GRID2: variants seen among roughly 807,000 people sequenced by gnomAD.
The protein encoded by GRID2 is glutamate receptor ionotropic, delta-2.
A neutral mutation model predicts 114.8 loss-of-function variants in GRID2; 33 were observed. That is an observed-to-expected ratio of 0.29 (90% CI 0.22 to 0.38). The LOEUF is 0.38. GRID2 is among the 10% of genes least tolerant of loss of function. The pLI is 1.00. For synonymous variants in GRID2, 505 were observed against 449.9 expected, an observed-to-expected ratio of 1.12 and a Z score of -1.55; for missense variants, 1,184 against 1,257.7, an observed-to-expected ratio of 0.94 and a Z score of 0.89.
intron 1 of GRID2, among the ~76,000 whole-genome samples, chr4:92,559,845 TTGCAAA>T (rs537473616): frequency 5.1e-4 from 78 of 152,192 alleles, no homozygotes; most frequent in Non-Finnish European, 9.1e-4. Context: ...TAACTCAGGA[TTGCAAA>T]GTGCTCATGA....
At chr4:92,446,251 C>T (rs1733465064) in intron 1 of GRID2, among the ~76,000 whole-genome samples, 1 of 152,062 alleles carries the variant, frequency 6.6e-6, no homozygotes, top group Non-Finnish European at 1.5e-5. Flanking sequence ...CTGGCTTTAT[C>T]CCATATTTGA....
At chr4:92,911,005 T>C (rs985127687) in intron 2 of GRID2, among the ~76,000 whole-genome samples, 2 of 152,072 alleles carry the variant, frequency 1.3e-5, no homozygotes, top group African/African-American at 4.8e-5. Context: ...TGATATAGTT[T>C]GAATAGAGTA....
At chr4:92,685,734 G>A (rs1733867276) in intron 2 of GRID2, among the ~76,000 whole-genome samples, 3 of 151,954 alleles carry the variant, frequency 2.0e-5, no homozygotes, top group South Asian at 2.1e-4. Flanking sequence ...TGGGAGTGAG[G>A]ATGCAGAATT....
At chr4:93,762,674 G>C (rs1032371025) in intron 14 of GRID2, among the ~76,000 whole-genome samples, 11 of 152,034 alleles carry the variant, frequency 7.2e-5, no homozygotes, top group African/African-American at 2.7e-4. Flanking sequence ...TTCCCTTTAG[G>C]GTCTCTGGGG....
intron 1 of GRID2, among the ~76,000 whole-genome samples, chr4:92,363,743 A>AT (rs1263342731): frequency 6.6e-6 from 1 of 151,244 alleles, no homozygotes; most frequent in Non-Finnish European, 1.5e-5. Context: ...TGGTTGTGAT[A>AT]TTTTTTAACA....
At chr4:92,535,976 C>T (rs1282815022) in intron 1 of GRID2, among the ~76,000 whole-genome samples, 1 of 152,050 alleles carries the variant, frequency 6.6e-6, no homozygotes, top group Non-Finnish European at 1.5e-5. Context: ...TGCAGACCTT[C>T]GTGGTGAGTG....
intron 13 of GRID2, among the ~76,000 whole-genome samples, chr4:93,572,237 T>C (rs1339360783): frequency 1.3e-5 from 2 of 152,070 alleles, no homozygotes; most frequent in Non-Finnish European, 2.9e-5. Context: ...ATGCAAAAAA[T>C]TGTGTAATTC....
intron 1 of GRID2, among the ~76,000 whole-genome samples, chr4:92,541,994 TTTTTA>T (rs1164387528): frequency 6.6e-6 from 1 of 152,158 alleles, no homozygotes; most frequent in Admixed American, 6.6e-5. Context: ...TTTGTGTTCT[TTTTTA>T]TTTTAACTCT....
chr4:93,380,321 A>G (rs1404490932), intron 8 of GRID2, among the ~76,000 whole-genome samples: 1 of 151,930 alleles, frequency 6.6e-6, no homozygotes, highest in Non-Finnish European at 1.5e-5. Flanking sequence ...GGAAAAGACA[A>G]TGAAAGATTT....
chr4:92,501,337 T>A (rs1484634949), intron 1 of GRID2, among the ~76,000 whole-genome samples: 1 of 152,152 alleles, frequency 6.6e-6, no homozygotes, highest in Non-Finnish European at 1.5e-5. Context: ...TCCACATTCG[T>A]TGAACACTTA....
At chr4:93,605,458 C>A (rs1740133972) in intron 13 of GRID2, among the ~76,000 whole-genome samples, 1 of 151,996 alleles carries the variant, frequency 6.6e-6, no homozygotes, top group African/African-American at 2.4e-5. Context: ...ACTTAAATAC[C>A]TTTATTCTGA....
chr4:93,052,036 A>G (rs1726769736), intron 2 of GRID2, among the ~76,000 whole-genome samples: 1 of 152,030 alleles, frequency 6.6e-6, no homozygotes, highest in African/African-American at 2.4e-5. Flanking sequence ...TAAAAATGGC[A>G]AAGTATTATT....
intron 8 of GRID2, among the ~76,000 whole-genome samples, chr4:93,377,947 ATATTT>A (rs1763522546): frequency 6.6e-6 from 1 of 152,210 alleles, no homozygotes; most frequent in Non-Finnish European, 1.5e-5. Context: ...ACTTATGTCT[ATATTT>A]TATAATTTCA....
chr4:93,420,661 A>G (rs1395986678), intron 9 of GRID2, among the ~76,000 whole-genome samples: 1 of 152,106 alleles, frequency 6.6e-6, no homozygotes, highest in Non-Finnish European at 1.5e-5. Context: ...ATGAAATATT[A>G]CTATAATAGG....
At chr4:93,181,643 A>C (rs1163367204) in intron 4 of GRID2, among the ~76,000 whole-genome samples, 1 of 152,174 alleles carries the variant, frequency 6.6e-6, no homozygotes, top group Non-Finnish European at 1.5e-5. Context: ...CTACATCAGC[A>C]CTTGCTACTT....
At chr4:92,686,959 G>GT (rs1579842578) in intron 2 of GRID2, among the ~76,000 whole-genome samples, 1 of 152,020 alleles carries the variant, frequency 6.6e-6, no homozygotes. Context: ...TTATTTGAAT[G>GT]TTTTTTGAAA....
intron 2 of GRID2, among the ~76,000 whole-genome samples, chr4:92,759,549 C>G (rs551587013): frequency 9.2e-5 from 14 of 152,010 alleles, no homozygotes; most frequent in Non-Finnish European, 1.5e-4. Flanking sequence ...TGTTAACTTA[C>G]AGAGTAATAT....
chr4:93,481,686 G>A (rs1210825143), intron 11 of GRID2, among the ~76,000 whole-genome samples: 2 of 152,034 alleles, frequency 1.3e-5, no homozygotes, highest in Non-Finnish European at 2.9e-5. Flanking sequence ...GTAACCACAG[G>A]CTGTAAATTG....
chr4:92,784,847 G>A lies in GRID2; in HGVS notation c.244+194561G>A, dbSNP rs564480622. Among the ~76,000 whole-genome samples the A allele has an allele frequency of 1.5e-4, 23 of 151,940 alleles. No individual in the cohort carries two copies. In the South Asian group the frequency reaches 1.9e-3, roughly 12 times the overall value. ...GAGAAGTATTTTTCTGTCTTCAAGC[G>A]TGGCAGTAAAGATTTTGATCCAGTG... On this transcript the variant is annotated intron_variant, in intron 2 of 15. Coordinates refer to ENST00000282020, the MANE Select transcript of GRID2 (RefSeq NM_001510.4).
Sources: allele counts gnomAD v4.1 joint callset (sites outside exome capture counted in the v4.1 genomes callset), GRCh38; gene constraint gnomAD v4.1.1; transcripts MANE v1.5; gene names NCBI Gene and HGNC (gene_info 2026-07-23, HGNC 2026-07-21).